The following GFRA1 variants were observed in gnomAD, a reference collection of about 807,000 sequenced individuals.
The protein encoded by GFRA1 is GDNF family receptor alpha-1.
A neutral mutation model predicts 51.6 loss-of-function variants in GFRA1; 16 were observed. The ratio of observed to expected loss-of-function variants is 0.31; its 90% confidence interval spans 0.21 to 0.47. GFRA1 has a LOEUF of 0.47. Ranked by LOEUF, GFRA1 falls within the 20% of genes least tolerant of loss-of-function variation. The probability of loss-of-function intolerance (pLI) is 1.00; values close to 1 mark genes in which losing one functional copy is unlikely to be tolerated. For synonymous variants in GFRA1, 270 were observed against 241.3 expected, an observed-to-expected ratio of 1.12 and a Z score of -1.10; for missense variants, 530 against 594.3, an observed-to-expected ratio of 0.89 and a Z score of 1.13.
At chr10:116,223,054 G>T (rs975564960) in intron 4 of GFRA1, among the ~76,000 whole-genome samples, 6 of 151,958 alleles carry the variant, frequency 3.9e-5, no homozygotes, top group African/African-American at 1.5e-4. Flanking sequence ...TTATATAAGG[G>T]GTCCTGGAAT....
intron 4 of GFRA1, among the ~76,000 whole-genome samples, chr10:116,259,324 C>CTTTTTT (rs77768306): frequency 7.0e-6 from 1 of 143,870 alleles, no homozygotes; most frequent in Non-Finnish European, 1.5e-5. Context: ...CTATGTATTC[C>CTTTTTT]TTTTTTTTTT....
chr10:116,097,518 C>G (rs1394512703), intron 6 of GFRA1, among the ~76,000 whole-genome samples: 3 of 152,102 alleles, frequency 2.0e-5, no homozygotes, highest in Non-Finnish European at 4.4e-5. Context: ...ATGCAGCAGC[C>G]CAGAAGGGGA....
intron 4 of GFRA1, among the ~76,000 whole-genome samples, chr10:116,235,014 T>A (rs571755980): frequency 2.0e-5 from 3 of 152,206 alleles, no homozygotes; most frequent in South Asian, 4.1e-4. Context: ...CTGTCATGAT[T>A]GTAAGTTTCC....
chr10:116,196,842 TA>T (rs913998988), intron 5 of GFRA1, among the ~76,000 whole-genome samples: 10 of 80,160 alleles, frequency 1.2e-4, no homozygotes, highest in Admixed American at 8.7e-4. Context: ...AATATATATA[TA>T]TATATTTTTT....
intron 4 of GFRA1, among the ~76,000 whole-genome samples, chr10:116,260,957 T>C (rs1416161279): frequency 6.6e-6 from 1 of 152,190 alleles, no homozygotes; most frequent in Non-Finnish European, 1.5e-5. Context: ...TCACTTTTCC[T>C]TACAGACAAC....
rs577648935 is a variant in GFRA1 at position 116,106,486 on chromosome 10, G to A, written c.771-9722C>T. On this transcript the variant is annotated intron_variant, in intron 6 of 10. Coordinates refer to ENST00000355422, the MANE Select transcript of GFRA1 (RefSeq NM_005264.8). ...CCCCACCCAAATCTCACGCTGAAAC[G>A]TGATCCCCAGTGTTGGAGGTGGGGC... is the stretch of plus-strand genomic sequence containing the variant. 3.9e-5 allele frequency among the ~76,000 whole-genome samples: 6 copies of A among 152,330 alleles called. No homozygotes were observed. The South Asian group carries it at 8.3e-4, about 21-fold the overall frequency.
At chr10:116,201,615 C>CAGGA (rs1346136669) in intron 5 of GFRA1, among the ~76,000 whole-genome samples, 1 of 152,102 alleles carries the variant, frequency 6.6e-6, no homozygotes, top group African/African-American at 2.4e-5. Context: ...CCTTCAGGGG[C>CAGGA]ACCTATCTGT....
intron 4 of GFRA1, among the ~76,000 whole-genome samples, chr10:116,212,413 G>A (rs1193393912): frequency 6.6e-6 from 1 of 151,810 alleles, no homozygotes; most frequent in East Asian, 1.9e-4. Context: ...CCATCTACTC[G>A]GGAGGCTGAG....
intron 5 of GFRA1, among the ~76,000 whole-genome samples, chr10:116,138,008 G>A (rs999662984): frequency 2.4e-4 from 36 of 152,138 alleles, no homozygotes; most frequent in African/African-American, 8.7e-4. Context: ...TCTCCACGTT[G>A]GTCAGGCTGG....
chr10:116,167,693 C>A (rs1284552411), intron 5 of GFRA1, among the ~76,000 whole-genome samples: 2 of 152,058 alleles, frequency 1.3e-5, no homozygotes, highest in Non-Finnish European at 2.9e-5. Context: ...AAATACAGGT[C>A]CCCGGGCTCC....
At chr10:116,251,963 CTTTTTTTT>C (rs3032041) in intron 4 of GFRA1, among the ~76,000 whole-genome samples, 1,505 of 79,828 alleles carry the variant, frequency 0.019, 42 homozygotes, top group African/African-American at 0.066. Flanking sequence ...CAATAGGCCT[CTTTTTTTT>C]TTTTTTTTTT....
chr10:116,134,325 A>G (rs1290885557), intron 5 of GFRA1, among the ~76,000 whole-genome samples: 1 of 152,170 alleles, frequency 6.6e-6, no homozygotes, highest in Admixed American at 6.5e-5. Flanking sequence ...TTCTTCTAAT[A>G]GGCTCCCTCT....
At chr10:116,191,988 T>C (rs1159779264) in intron 5 of GFRA1, among the ~76,000 whole-genome samples, 1 of 152,092 alleles carries the variant, frequency 6.6e-6, no homozygotes, top group African/African-American at 2.4e-5. Flanking sequence ...GATCGCGCCA[T>C]TGCACTCCAG....
intron 9 of GFRA1, among the ~76,000 whole-genome samples, chr10:116,073,328 G>A (rs1955484283): frequency 6.6e-6 from 1 of 152,148 alleles, no homozygotes; most frequent in African/African-American, 2.4e-5. Flanking sequence ...ACCTTCACAG[G>A]ATCACCTTAC....
chr10:116,227,777 T>C (rs909455040), intron 4 of GFRA1, among the ~76,000 whole-genome samples: 1 of 152,202 alleles, frequency 6.6e-6, no homozygotes, highest in Non-Finnish European at 1.5e-5. Context: ...TCTCCTGTCA[T>C]GTCAGATCCA....
intron 4 of GFRA1, among the ~76,000 whole-genome samples, chr10:116,237,121 C>G (rs1966928878): frequency 6.6e-6 from 1 of 152,170 alleles, no homozygotes; most frequent in South Asian, 2.1e-4. Flanking sequence ...TTATTAGTGT[C>G]TTATGAATCC....
intron 4 of GFRA1, among the ~76,000 whole-genome samples, chr10:116,218,543 C>T (rs919680931): frequency 6.6e-6 from 1 of 152,196 alleles, no homozygotes; most frequent in Admixed American, 6.5e-5. Flanking sequence ...GTCCAGAGCT[C>T]CTCCAGAGTC....
At chr10:116,090,073 C>A in intron 8 of GFRA1, 151 bp from the exon 9 acceptor site, 2 of 749,158 alleles carry the variant, frequency 2.7e-6, no homozygotes, top group Non-Finnish European at 4.6e-6. Context: ...CCTATACATG[C>A]TGAGAGCCAG....
At chr10:116,130,676 T>A in intron 5 of GFRA1, among the ~76,000 whole-genome samples, 1 of 152,054 alleles carries the variant, frequency 6.6e-6, no homozygotes, top group African/African-American at 2.4e-5. Flanking sequence ...CTTTTCAACA[T>A]ATGGTACTAG....
Sources: gnomAD v4.1 joint callset for allele counts (sites outside exome capture counted in the v4.1 genomes callset) on GRCh38, gnomAD v4.1.1 for gene constraint, MANE v1.5 for transcripts, NCBI Gene and HGNC (gene_info 2026-07-23, HGNC 2026-07-21) for gene names.